CEACAM21: variants seen among roughly 807,000 people sequenced by gnomAD.
CEACAM21 encodes the protein cell adhesion molecule CEACAM21.
Under a neutral mutation model 33.2 loss-of-function variants are expected in CEACAM21, and 38 were observed. The ratio of observed to expected loss-of-function variants is 1.14; its 90% confidence interval spans 0.88 to 1.50. CEACAM21 has a LOEUF of 1.50. CEACAM21 is among the 40% of genes most tolerant of loss of function. CEACAM21 has a pLI of 0.00. For synonymous variants in CEACAM21, 156 were observed against 143.0 expected (o/e 1.09, Z -0.65); for missense variants, 385 against 364.6 (o/e 1.06, Z -0.46).
At chr19:41,558,333 A>G (rs970509213) in intron 1 of CEACAM21, among the ~76,000 whole-genome samples, 1 of 152,144 alleles carries the variant, frequency 6.6e-6, no homozygotes, top group Non-Finnish European at 1.5e-5. Context: ...ACATCTATCT[A>G]TCTATTACAT....
At chr19:41,561,208 G>T (rs2041862631) in intron 1 of CEACAM21, among the ~76,000 whole-genome samples, 2 of 152,114 alleles carry the variant, frequency 1.3e-5, no homozygotes, top group African/African-American at 4.8e-5. Flanking sequence ...TCATTATGTT[G>T]CCCAGGCTGG....
chr19:41,555,218 C>T (rs1274551328), intron 1 of CEACAM21: 1 of 151,924 alleles, frequency 6.6e-6, no homozygotes, highest in Non-Finnish European at 1.5e-5. Flanking sequence ...AGGTATCCAA[C>T]CCAGTATCTA....
Position 41,559,427 on chromosome 19 carries a change from C to A in CEACAM21, c.-778-5255C>A, listed in dbSNP as rs144765608. Among the ~76,000 whole-genome samples the A allele has an allele frequency of 4.8e-3, 737 of 152,066 alleles. 6 individuals carry two copies. The highest frequency in any genetic ancestry group is 0.017 in the African/African-American group (698 of 41,474). Reference sequence around the variant, plus strand: ...GTGTAGCTGAAGTGGTACTTGTGGGCAAATGTAAACTGCTAAAATGCTTAC... The same window carrying A: ...GTGTAGCTGAAGTGGTACTTGTGGGAAAATGTAAACTGCTAAAATGCTTAC... On this transcript the variant is annotated intron_variant, in intron 1 of 7. Transcript: ENST00000407170.
intron 1 of CEACAM21, among the ~76,000 whole-genome samples, chr19:41,562,201 G>A (rs1221879754): frequency 2.0e-5 from 3 of 151,792 alleles, no homozygotes; most frequent in South Asian, 4.2e-4. Flanking sequence ...AGCCGAGATC[G>A]GCCAGTGCAC....
intron 2 of CEACAM21, chr19:41,565,711 T>A (rs911713162): frequency 2.6e-5 from 4 of 152,004 alleles, no homozygotes; most frequent in Non-Finnish European, 4.4e-5. Flanking sequence ...ACAGAGCAAA[T>A]CTTTATCGTA....
chr19:41,572,346 A>T (rs1167451896), upstream of CEACAM21, among the ~76,000 whole-genome samples: 2 of 152,190 alleles, frequency 1.3e-5, no homozygotes, highest in Non-Finnish European at 2.9e-5. Context: ...CTCAAATGCA[A>T]AATGAGAGGC....
At chr19:41,574,678 A>G (rs551859634), upstream of CEACAM21, among the ~76,000 whole-genome samples, 1 of 152,318 alleles carries the variant, frequency 6.6e-6, no homozygotes, top group African/African-American at 2.4e-5. Context: ...AGTTTTAAAA[A>G]ATATTAAATA....
At chr19:41,553,692 T>A (rs1302406198) in intron 1 of CEACAM21, 1 of 152,056 alleles carries the variant, frequency 6.6e-6, no homozygotes, top group Non-Finnish European at 1.5e-5. Flanking sequence ...TGTGACATTC[T>A]TTTCTTCCCA....
intron 1 of CEACAM21, among the ~76,000 whole-genome samples, chr19:41,561,516 C>T (rs182697519): frequency 9.6e-4 from 146 of 152,092 alleles, no homozygotes; most frequent in African/African-American, 3.4e-3. Flanking sequence ...AAATACTTTC[C>T]CCAAATTATG....
chr19:41,575,305 T>A (rs1032906951), upstream of CEACAM21, among the ~76,000 whole-genome samples: 2 of 152,208 alleles, frequency 1.3e-5, no homozygotes, highest in Non-Finnish European at 2.9e-5. Flanking sequence ...TATCATTTAA[T>A]TCTACACTTA....
chr19:41,556,265 T>C (rs2041516792), intron 1 of CEACAM21, among the ~76,000 whole-genome samples: 1 of 152,254 alleles, frequency 6.6e-6, no homozygotes, highest in Non-Finnish European at 1.5e-5. Flanking sequence ...CACCTATTTG[T>C]TTTAATTCAA....
At chr19:41,572,695 T>C (rs781796951), upstream of CEACAM21, among the ~76,000 whole-genome samples, 46 of 152,154 alleles carry the variant, frequency 3.0e-4, no homozygotes, top group Non-Finnish European at 6.5e-4. Flanking sequence ...GCCTGGGGTC[T>C]GTACCACATC....
chr19:41,567,046 T>TTTTC (rs2042312321), intron 2 of CEACAM21, among the ~76,000 whole-genome samples: 1 of 151,064 alleles, frequency 6.6e-6, no homozygotes, highest in African/African-American at 2.4e-5. Flanking sequence ...TCATATTGTT[T>TTTTC]TCTCTCTCTC....
chr19:41,563,441 G>C (rs1555787406), intron 1 of CEACAM21, among the ~76,000 whole-genome samples: 1 of 152,192 alleles, frequency 6.6e-6, no homozygotes, highest in Non-Finnish European at 1.5e-5. Flanking sequence ...GAGTGGAGGC[G>C]AGGCACTCTG....
intron 1 of CEACAM21, among the ~76,000 whole-genome samples, chr19:41,576,943 T>A (rs975686603): frequency 6.6e-6 from 1 of 152,084 alleles, no homozygotes. Context: ...TCCCAGGGAT[T>A]CCCTTGTGTG....
chr19:41,580,373 G>C (rs1443292378), intron 3 of CEACAM21, among the ~76,000 whole-genome samples: 4 of 152,082 alleles, frequency 2.6e-5, no homozygotes, highest in African/African-American at 9.7e-5. Flanking sequence ...TCAGCTAGGT[G>C]TCCTCCAATT....
intron 6 of CEACAM21, 145 bp downstream of exon 6, chr19:41,586,016 C>A: frequency 4.7e-6 from 4 of 848,562 alleles, no homozygotes; most frequent in Non-Finnish European, 7.6e-6. Flanking sequence ...ATGAGCTGGG[C>A]CTCTGTTCAG....
chr19:41,567,587 A>G (rs1182950084), intron 2 of CEACAM21, among the ~76,000 whole-genome samples: 1 of 152,210 alleles, frequency 6.6e-6, no homozygotes, highest in Non-Finnish European at 1.5e-5. Flanking sequence ...CCTGAATTCA[A>G]CCCAGTTTGT....
chr19:41,554,834 A>C (rs953769756), intron 1 of CEACAM21: 1 of 152,106 alleles, frequency 6.6e-6, no homozygotes, highest in Non-Finnish European at 1.5e-5. Context: ...AACTTTAGTC[A>C]ATATGTTTAC....
Sources: gnomAD v4.1 joint callset for allele counts (sites outside exome capture counted in the v4.1 genomes callset) on GRCh38, gnomAD v4.1.1 for gene constraint, MANE v1.5 for transcripts, NCBI Gene and HGNC (gene_info 2026-07-23, HGNC 2026-07-21) for gene names.